Variants in SMOC2 observed in about 807,000 individuals in gnomAD.
The protein encoded by SMOC2 is SPARC-related modular calcium-binding protein 2.
Under a neutral mutation model 61.4 loss-of-function variants are expected in SMOC2, and 39 were observed. The ratio of observed to expected loss-of-function variants is 0.64; its 90% CI spans 0.49 to 0.83. The LOEUF is 0.83. SMOC2 is among the 40% of genes least tolerant of loss of function. The probability of loss-of-function intolerance (pLI) is 0.00; values close to 1 mark genes in which losing one functional copy is unlikely to be tolerated. For missense variants in SMOC2, 556 were observed against 592.9 expected, an observed-to-expected ratio of 0.94 and a Z score of 0.65; for synonymous variants, 247 against 239.9, an observed-to-expected ratio of 1.03 and a Z score of -0.27.
chr6:168,578,435 G>A (rs1270504951), intron 7 of SMOC2, among the ~76,000 whole-genome samples: 1 of 152,166 alleles, frequency 6.6e-6, no homozygotes, highest in East Asian at 1.9e-4. Context: ...GGAGACGGGG[G>A]CAGACAGTCT....
intron 8 of SMOC2, among the ~76,000 whole-genome samples, chr6:168,605,927 C>T (rs1171884348): frequency 6.6e-6 from 1 of 152,186 alleles, no homozygotes; most frequent in Non-Finnish European, 1.5e-5. Flanking sequence ...TGAGCTGGGA[C>T]ATTCGCCTGG....
intron 1 of SMOC2, among the ~76,000 whole-genome samples, chr6:168,496,143 G>A (rs1782584126): frequency 6.6e-6 from 1 of 152,164 alleles, no homozygotes; most frequent in Non-Finnish European, 1.5e-5. Flanking sequence ...AAGTTACTCT[G>A]CTTGGCATTT....
chr6:168,549,176 C>T lies in SMOC2; in HGVS notation c.610C>T (p.Arg204Trp), dbSNP rs768075648. The T allele has an allele frequency of 1.9e-6, 3 of 1,614,086 alleles. No homozygotes were observed. Among genetic ancestry groups the T allele is most frequent in the Admixed American group, 1.7e-5 (1 of 60,012 alleles). ...CCTTTGGACTGAACAGGTTAAAAGT[C>T]GGCAGAACAAAACCAATAAGAATTC... is the stretch of plus-strand genomic sequence containing the variant. Reference protein sequence around the residue: ...PTLWTEQVKSRQNKTNKNSVS... With the variant: ...PTLWTEQVKSWQNKTNKNSVS... Residue 204 changes from arginine (R) to tryptophan (W), a missense_variant, in exon 7 of 13, where the codon CGG becomes TGG. By Grantham distance (101) the Arg-to-Trp change is moderately radical. Coordinates refer to ENST00000356284, the MANE Select transcript of SMOC2 (RefSeq NM_001166412.2).
rs368908902 is a variant in SMOC2 at position 168,567,910 on chromosome 6, C to T, written c.637+18707C>T. On this transcript the variant is annotated intron_variant, in intron 7 of 12. Transcript: ENST00000356284. ...CAGATGAGCAACTACAGGCAAAGACCGGATGGTGTGAGTCGGTGTCTCATA... is the reference window on the plus strand; with the variant it reads ...CAGATGAGCAACTACAGGCAAAGACTGGATGGTGTGAGTCGGTGTCTCATA... Among the ~76,000 whole-genome samples the T allele has an allele frequency of 1.5e-4, 23 of 149,386 alleles. No individual in the cohort carries two copies. In the East Asian group the frequency reaches 3.6e-3, roughly 23 times the overall value.
chr6:168,650,592 C>G (rs1439112443), intron 9 of SMOC2, 89 bp from the exon 10 acceptor site: 2 of 1,282,950 alleles, frequency 1.6e-6, no homozygotes, highest in African/African-American at 2.9e-5. Context: ...TACTCATTTC[C>G]AAACAGTAAA....
intron 7 of SMOC2, among the ~76,000 whole-genome samples, chr6:168,578,167 A>G (rs1051954707): frequency 2.0e-5 from 3 of 152,198 alleles, no homozygotes; most frequent in African/African-American, 4.8e-5. Context: ...TAGCAGCTCC[A>G]GGTGGCAGGA....
At chr6:168,613,484 A>G (rs1785945408) in intron 9 of SMOC2, among the ~76,000 whole-genome samples, 1 of 152,150 alleles carries the variant, frequency 6.6e-6, no homozygotes, top group South Asian at 2.1e-4. Context: ...ACACAGTCTA[A>G]GAAATGGTCT....
At chr6:168,582,709 C>A (rs370707671) in intron 7 of SMOC2, among the ~76,000 whole-genome samples, 26 of 152,216 alleles carry the variant, frequency 1.7e-4, no homozygotes, top group Non-Finnish European at 2.6e-4. Flanking sequence ...AGGCTCCCCC[C>A]ACCTGGGAGG....
At chr6:168,590,589 G>C (rs548660552) in intron 7 of SMOC2, among the ~76,000 whole-genome samples, 1 of 143,392 alleles carries the variant, frequency 7.0e-6, no homozygotes, top group South Asian at 2.3e-4. Context: ...AAGCGTGTGA[G>C]CTTGCCAAAA....
chr6:168,460,574 T>C (rs1423798259), intron 1 of SMOC2, among the ~76,000 whole-genome samples: 1 of 152,178 alleles, frequency 6.6e-6, no homozygotes, highest in Non-Finnish European at 1.5e-5. Context: ...ATCCTGAATT[T>C]TATAATAGGG....
chr6:168,636,313 C>T (rs1786717795), intron 9 of SMOC2, among the ~76,000 whole-genome samples: 1 of 152,224 alleles, frequency 6.6e-6, no homozygotes, highest in South Asian at 2.1e-4. Flanking sequence ...ACAACATAGA[C>T]AGACTCTAAT....
chr6:168,476,765 T>C (rs1782097354), intron 1 of SMOC2, among the ~76,000 whole-genome samples: 1 of 152,146 alleles, frequency 6.6e-6, no homozygotes, highest in Non-Finnish European at 1.5e-5. Flanking sequence ...CATAATAATT[T>C]ATGTGCATTT....
chr6:168,656,658 G>A (rs888494501), intron 11 of SMOC2, among the ~76,000 whole-genome samples: 1 of 151,866 alleles, frequency 6.6e-6, no homozygotes, highest in South Asian at 2.1e-4. Context: ...ATCATCGTCT[G>A]CCTCCTCTTC....
At chr6:168,574,272 C>T (rs987827340) in intron 7 of SMOC2, among the ~76,000 whole-genome samples, 15 of 152,112 alleles carry the variant, frequency 9.9e-5, no homozygotes, top group Admixed American at 2.6e-4. Context: ...GCGGGTAGGT[C>T]GAAGGCTGCT....
chr6:168,445,430 C>T (rs965968351), intron 1 of SMOC2, among the ~76,000 whole-genome samples: 3 of 152,260 alleles, frequency 2.0e-5, no homozygotes, highest in African/African-American at 7.2e-5. Flanking sequence ...GATAAGAAAA[C>T]AATATTTAGC....
At chr6:168,650,816 G>C in intron 10 of SMOC2, 33 bp downstream of exon 10, 1 of 1,579,348 alleles carries the variant, frequency 6.3e-7, no homozygotes, top group East Asian at 2.3e-5. Context: ...CAACAAGTTG[G>C]CAGGGTCCCA....
rs545293081 is a variant in SMOC2 at position 168,652,632 on chromosome 6, G to A, written c.1011-322G>A. Among the ~76,000 whole-genome samples, 131 of 152,238 alleles carry A rather than the reference G, an allele frequency of 8.6e-4. 3 individuals are homozygous for A. In the South Asian group the frequency reaches 0.024, roughly 28 times the overall value. On this transcript the variant is annotated intron_variant, in intron 10 of 12. Coordinates refer to ENST00000356284, the MANE Select transcript of SMOC2 (RefSeq NM_001166412.2). ...AGCTCAGGGTTCTGGTGTGTCGGGC[G>A]GGTATAGCTGCATGTGCTGACCTGC...
intron 1 of SMOC2, among the ~76,000 whole-genome samples, chr6:168,459,744 TGTG>T (rs1194408629): frequency 3.1e-5 from 3 of 97,566 alleles, no homozygotes; most frequent in Non-Finnish European, 6.0e-5. Flanking sequence ...GGGTGGGCCT[TGTG>T]GTGGGTGAGC....
chr6:168,576,156 G>A (rs985746028), intron 7 of SMOC2, among the ~76,000 whole-genome samples: 9 of 152,262 alleles, frequency 5.9e-5, no homozygotes, highest in African/African-American at 2.2e-4. Context: ...GCACCAGTCA[G>A]CCCTGTGTAG....
Sources: gnomAD v4.1 joint callset for allele counts (sites outside exome capture counted in the v4.1 genomes callset) on GRCh38, gnomAD v4.1.1 for gene constraint, MANE v1.5 for transcripts, NCBI Gene and HGNC (gene_info 2026-07-23, HGNC 2026-07-21) for gene names.